Variants in FOXA3 observed in about 807,000 individuals in gnomAD.
FOXA3 encodes the protein hepatocyte nuclear factor 3-gamma.
Under a neutral mutation model 16.9 loss-of-function variants are expected in FOXA3, and 11 were observed. The ratio of observed to expected loss-of-function variants is 0.65; its 90% CI spans 0.41 to 1.08. The LOEUF (loss-of-function observed/expected upper bound fraction) is 1.08. Ranked by LOEUF, FOXA3 falls within the 50% of genes least tolerant of loss-of-function variation. The probability of loss-of-function intolerance (pLI) is 0.00; values close to 1 mark genes in which losing one functional copy is unlikely to be tolerated. For missense variants in FOXA3, 423 were observed against 470.1 expected (o/e 0.90, Z 0.93); for synonymous variants, 217 against 203.3 (o/e 1.07, Z -0.57).
chr19:45,864,429 G>A lies in FOXA3; in HGVS notation c.-28G>A. 1 of 1,404,198 alleles carries A rather than the reference G, an allele frequency of 7.1e-7. No homozygotes were observed. The highest frequency in any genetic ancestry group is 1.5e-5 in the South Asian group (1 of 65,006). 87.0% of individuals were successfully genotyped at this position (1,404,198 alleles called of 1,614,324 possible). A position where few individuals can be genotyped will look rare whatever the true frequency, so the allele number is the denominator to read the frequency against. On this transcript the variant is annotated 5_prime_UTR_variant, in exon 1 of 2. Coordinates refer to ENST00000302177, the MANE Select transcript of FOXA3 (RefSeq NM_004497.3). ...GCTCCGTTCCCCCGGGGCCGGAGCG[G>A]GGGCGGGTGGGGGCGTAAGCCCGGG...
intron 1 of FOXA3, among the ~76,000 whole-genome samples, chr19:45,871,588 A>AT (rs1335723228): frequency 7.0e-6 from 1 of 142,306 alleles, no homozygotes; most frequent in Non-Finnish European, 1.5e-5. Context: ...AAAAAAAAAA[A>AT]GCTGGCGTGG....
In FOXA3 at chr19:45,864,383, G is replaced by T. The variant is rs1600546348; in HGVS notation, c.-74G>T. On this transcript the variant is annotated 5_prime_UTR_variant, in exon 1 of 2. Coordinates refer to ENST00000302177, the MANE Select transcript of FOXA3 (RefSeq NM_004497.3). ...GGGCGCCGGTGGGAGCTCGGGCCGT[G>T]CCCGCTGAGAGATCCAGAGCGCTCC... is the stretch of plus-strand genomic sequence containing the variant. 1 of 1,242,762 alleles carries T rather than the reference G, an allele frequency of 8.0e-7. No homozygotes were observed. The highest frequency in any genetic ancestry group is 1.0e-6 in the Non-Finnish European group (1 of 966,960). The allele number at this position is 1,242,762 out of a possible 1,614,324, so 77.0% of individuals were successfully genotyped here.
Position 45,864,411 on chromosome 19 carries a change from T to TC in FOXA3, c.-41dup. The TC allele has an allele frequency of 7.5e-7, 1 of 1,337,944 alleles. No homozygotes were observed. The highest frequency in any genetic ancestry group is 9.7e-7 in the Non-Finnish European group (1 of 1,026,080). The allele number at this position is 1,337,944 out of a possible 1,614,324, so 82.9% of individuals were successfully genotyped here. A position where few individuals can be genotyped will look rare whatever the true frequency, so the allele number is the denominator to read the frequency against. ...CGCTGAGAGATCCAGAGCGCTCCGT[T>TC]CCCCCGGGGCCGGAGCGGGGGCGGG... On this transcript the variant is annotated 5_prime_UTR_variant, in exon 1 of 2. Transcript: ENST00000302177.
Position 45,872,151 on chromosome 19 carries a change from C to T in FOXA3, c.146C>T (p.Pro49Leu). ...SYMTLNPLSS[P>L]YPPGGLPASP... ...ATGACCCTGAATCCTCTAAGCTCTC[C>T]CTATCCCCCTGGGGGGCTCCCTGCC... is the stretch of plus-strand genomic sequence containing the variant. Residue 49 changes from proline (P) to leucine (L), a missense_variant, in exon 2 of 2, where the codon CCC becomes CTC. Pro to Leu is a moderately conservative substitution (Grantham distance 98). This residue lies in a region of FOXA3 where 170 missense variants were observed against 153.9 expected (regional missense o/e 1.10). Coordinates refer to ENST00000302177, the MANE Select transcript of FOXA3 (RefSeq NM_004497.3). The surrounding 1 kb of genome is among the most constrained non-coding windows in gnomAD (Gnocchi z 4.5). 6.3e-7 allele frequency: 1 copy of T among 1,592,428 alleles called. No homozygotes were observed. The highest frequency in any genetic ancestry group is 2.2e-5 in the East Asian group (1 of 44,720).
intron 1 of FOXA3, among the ~76,000 whole-genome samples, chr19:45,864,738 G>A (rs1248687178): frequency 1.3e-5 from 2 of 152,154 alleles, no homozygotes; most frequent in African/African-American, 4.8e-5. Context: ...CCGCGGCCAG[G>A]GCTTAAAAAT....
At chr19:45,864,890 T>G (rs1202812543) in intron 1 of FOXA3, among the ~76,000 whole-genome samples, 1 of 150,818 alleles carries the variant, frequency 6.6e-6, no homozygotes, top group Non-Finnish European at 1.5e-5. Flanking sequence ...GACTAGGGGG[T>G]TTCAGGATGT....
intron 1 of FOXA3, among the ~76,000 whole-genome samples, chr19:45,870,469 G>A (rs930393309): frequency 2.1e-4 from 32 of 151,836 alleles, no homozygotes; most frequent in Admixed American, 7.2e-4. Flanking sequence ...CACCGTGCCC[G>A]GCCTATAATA....
In FOXA3 at chr19:45,870,569, C is replaced by CTT. The variant is rs34349319; in HGVS notation, c.70-1491_70-1490dup. ...TTTTGGTCTCAGGACCACCCCCCTT[C>CTT]TTTTTTTTTTTTTTTTGAGATGGAG... On this transcript the variant is annotated intron_variant, in intron 1 of 1. Transcript: ENST00000302177. Among the ~76,000 whole-genome samples, 179 of 133,228 alleles carry CTT rather than the reference C, an allele frequency of 1.3e-3. 2 individuals are homozygous for CTT. Among genetic ancestry groups the CTT allele is most frequent in the Middle Eastern group, 4.1e-3 (1 of 244 alleles). 87.4% of individuals were successfully genotyped at this position (133,228 alleles called of 152,430 possible). A position where few individuals can be genotyped will look rare whatever the true frequency, so the allele number is the denominator to read the frequency against.
rs147847262 is a variant in FOXA3, at chr19:45,872,362, G to A, written c.357G>A (p.Pro119=). The change falls in exon 2 of 2, where the codon CCG becomes CCA. Residue 119 remains proline, a synonymous_variant. Transcript: ENST00000302177. The surrounding 1 kb of genome is among the most constrained non-coding windows in gnomAD (Gnocchi z 4.5). ...YRRPLAHAKP[P]YSYISLITMA... ...GGCCCCTGGCACACGCCAAGCCACC[G>A]TATTCCTATATCTCACTCATCACCA... The A allele has an allele frequency of 2.3e-4, 371 of 1,614,204 alleles. 1 individual carries two copies. Among genetic ancestry groups the A allele is most frequent in the Middle Eastern group, 8.3e-4 (5 of 6,060 alleles).
At chr19:45,867,940 A>C (rs1383020642) in intron 1 of FOXA3, among the ~76,000 whole-genome samples, 1 of 145,774 alleles carries the variant, frequency 6.9e-6, no homozygotes, top group East Asian at 2.1e-4. Context: ...GCCGAGATGG[A>C]GGGGAAAGAA....
intron 1 of FOXA3, among the ~76,000 whole-genome samples, chr19:45,871,484 T>TG (rs1966904027): frequency 6.7e-6 from 1 of 148,512 alleles, no homozygotes; most frequent in African/African-American, 2.5e-5. Context: ...CTCAGCACTT[T>TG]GGGAGGCCGA....
intron 1 of FOXA3, among the ~76,000 whole-genome samples, chr19:45,866,962 G>T (rs922601087): frequency 1.1e-4 from 16 of 152,094 alleles, no homozygotes; most frequent in African/African-American, 3.9e-4. Context: ...TGGGGGTGCG[G>T]GTCCCCCAAG....
At chr19:45,866,725 G>A (rs1972088311) in intron 1 of FOXA3, among the ~76,000 whole-genome samples, 2 of 152,128 alleles carry the variant, frequency 1.3e-5, no homozygotes, top group African/African-American at 4.8e-5. Context: ...TACCATCCTG[G>A]GATATCCCTG....
At position 45,872,030 on chromosome 19, in the gene FOXA3, A is replaced by G; in HGVS notation, c.70-45A>G. ...TGGGTCCTGGGATCCTTTGCTGACC[A>G]GCAGAGTGGAGCCCCACTGACCCCT... is the stretch of plus-strand genomic sequence containing the variant. On this transcript the variant is annotated intron_variant, in intron 1 of 1. Transcript: ENST00000302177. The surrounding 1 kb of genome is among the most constrained non-coding windows in gnomAD (Gnocchi z 4.5). 2 of 1,593,018 alleles carry G rather than the reference A, an allele frequency of 1.3e-6. No individual in the cohort carries two copies.
chr19:45,870,172 CT>C (rs61352328), intron 1 of FOXA3, among the ~76,000 whole-genome samples: 59,354 of 129,844 alleles, frequency 0.46, 13,362 homozygotes, highest in African/African-American at 0.65. Context: ...GTTATAATAA[CT>C]TTTTTTTTTT....
intron 1 of FOXA3, among the ~76,000 whole-genome samples, chr19:45,867,456 G>C (rs867716565): frequency 6.7e-6 from 1 of 149,168 alleles, no homozygotes; most frequent in East Asian, 2.0e-4. Context: ...TAGATAGATA[G>C]ATGCATGGAT....
intron 1 of FOXA3, among the ~76,000 whole-genome samples, chr19:45,864,823 C>G (rs1972065875): frequency 6.6e-6 from 1 of 152,062 alleles, no homozygotes; most frequent in Admixed American, 6.6e-5. Context: ...CCCCAAAAAG[C>G]AAGGGATTTA....
intron 1 of FOXA3, among the ~76,000 whole-genome samples, chr19:45,866,385 G>A (rs1052953494): frequency 6.6e-6 from 1 of 152,122 alleles, no homozygotes. Flanking sequence ...ACTCCAGCCT[G>A]GGTGACAGAA....
chr19:45,867,646 G>A (rs994641326), intron 1 of FOXA3, among the ~76,000 whole-genome samples: 1 of 151,880 alleles, frequency 6.6e-6, no homozygotes, highest in African/African-American at 2.4e-5. Flanking sequence ...TGGGCATGGT[G>A]GTGCATGCCT....
Sources: gnomAD v4.1 joint callset for allele counts (sites outside exome capture counted in the v4.1 genomes callset) on GRCh38, gnomAD v4.1.1 for gene constraint, gnomAD v4.1.1 regional missense constraint, Gnocchi (gnomAD v3.1) non-coding constraint, MANE v1.5 for transcripts, NCBI Gene and HGNC (gene_info 2026-07-23, HGNC 2026-07-21) for gene names.